PPL: variants seen among roughly 807,000 people sequenced by gnomAD.
PPL encodes periplakin.
A neutral mutation model predicts 194.4 loss-of-function variants in PPL; 198 were observed. The ratio of observed to expected loss-of-function variants is 1.02; its 90% CI spans 0.91 to 1.15. The LOEUF is 1.15. Ranked by LOEUF, PPL falls within the 50% of genes most tolerant of loss-of-function variation. The probability of loss-of-function intolerance (pLI) is 0.00; values close to 1 mark genes in which losing one functional copy is unlikely to be tolerated. For missense variants in PPL, 2,885 were observed against 2,294.8 expected, an observed-to-expected ratio of 1.26 and a Z score of -5.25; for synonymous variants, 1,220 against 972.4, an observed-to-expected ratio of 1.25 and a Z score of -4.74.
In PPL at chr16:4,890,302, T is replaced by C; in HGVS notation, c.2195A>G (p.Tyr732Cys). 6.2e-7 allele frequency: 1 copy of C among 1,614,030 alleles called. No homozygotes were observed. Among genetic ancestry groups the C allele is most frequent in the Non-Finnish European group, 8.5e-7 (1 of 1,180,000 alleles). Residue 732 changes from tyrosine (Y) to cysteine (C), a missense_variant, in exon 18 of 22, where the codon TAC becomes TGC. By Grantham distance (194) the Tyr-to-Cys change is radical. Coordinates refer to ENST00000345988, the MANE Select transcript of PPL (RefSeq NM_002705.5). Reference sequence around the variant, plus strand: ...GTCATGGCCGCGGTGGAAGTGCTCGTAGGCTGCCTTGGCGCTCTGTAGGCT... The same window carrying C: ...GTCATGGCCGCGGTGGAAGTGCTCGCAGGCTGCCTTGGCGCTCTGTAGGCT... ...AQSLQSAKAA[Y>C]EHFHRGHDHV... is the part of the protein sequence containing the mutation.
intron 1 of PPL, among the ~76,000 whole-genome samples, chr16:4,927,581 G>C (rs960424444): frequency 2.0e-5 from 3 of 152,258 alleles, no homozygotes; most frequent in African/African-American, 7.2e-5. Flanking sequence ...GCAGTACACA[G>C]AATGTGCCCA....
intron 4 of PPL, among the ~76,000 whole-genome samples, chr16:4,901,564 CTG>C (rs920520368): frequency 2.6e-5 from 4 of 152,028 alleles, no homozygotes; most frequent in Non-Finnish European, 5.9e-5. Context: ...TGGCATGCAC[CTG>C]TAATCCCAGC....
At position 4,892,075 on chromosome 16, in the gene PPL, A is replaced by G. The variant is rs1259732657; in HGVS notation, c.1789T>C (p.Tyr597His). Reference sequence around the variant, plus strand: ...TCCAGCAGCTGCAGGAGGTGCTCGTATTTCCGGTTGGTGTCCTCCACCCGG... The same window carrying G: ...TCCAGCAGCTGCAGGAGGTGCTCGTGTTTCCGGTTGGTGTCCTCCACCCGG... ...RTRVEDTNRK[Y>H]EHLLQLLDLA... Residue 597 changes from tyrosine to histidine, a missense_variant, in exon 15 of 22, where the codon TAC becomes CAC. Physicochemically the swap from Tyr to His is moderately conservative, Grantham distance 83. Coordinates refer to ENST00000345988, the MANE Select transcript of PPL (RefSeq NM_002705.5). 6.2e-7 allele frequency: 1 copy of G among 1,613,584 alleles called. No homozygotes were observed. Among genetic ancestry groups the G allele is most frequent in the Non-Finnish European group, 8.5e-7 (1 of 1,179,992 alleles).
chr16:4,886,006 A>C lies in PPL; in HGVS notation c.2649T>G (p.Asn883Lys), dbSNP rs149014509. The C allele has an allele frequency of 6.7e-5, 108 of 1,613,938 alleles. No homozygotes were observed. The African/African-American group carries it at 1.3e-3, about 20-fold the overall frequency. The change falls in exon 22 of 22, where the codon AAT (asparagine) becomes AAG (lysine). Residue 883 changes from asparagine to lysine, a missense_variant. Transcript: ENST00000345988. The stretch of plus-strand genomic sequence containing the variant: ...CCTCCTCCACTCCAGAGTCCGGCCT[A>C]TTCCTTTGCAGGGTCTCATGGGTCA... Reference protein sequence around the residue: ...VEVTHETLQRNRPDSGVEEAW... With the variant: ...VEVTHETLQRKRPDSGVEEAW...
At chr16:4,893,126 T>G (rs772934912) in intron 14 of PPL, 87 bp downstream of exon 14, 49 of 1,398,970 alleles carry the variant, frequency 3.5e-5, no homozygotes, top group Non-Finnish European at 7.5e-6. Flanking sequence ...ATCCCAAGAC[T>G]CCATGGGGAA....
intron 1 of PPL, among the ~76,000 whole-genome samples, chr16:4,914,104 T>C (rs1021292692): frequency 1.3e-5 from 2 of 152,080 alleles, no homozygotes; most frequent in Admixed American, 6.6e-5. Context: ...GAATTTGGTG[T>C]TCCTGTGCAG....
chr16:4,899,293 G>A lies in PPL; in HGVS notation c.698C>T (p.Ala233Val), dbSNP rs763112955. The change falls in exon 7 of 22, where the codon GCC (alanine) becomes GTC (valine). Residue 233 changes from alanine (A) to valine (V), a missense_variant. Transcript: ENST00000345988. The part of the protein sequence containing the change: ...TNELYWLDQQ[A>V]KGRMQYDWSD... ...CCAGTCGTACTGCATGCGGCCCTTG[G>A]CCTGCTGGTCCAGCCAGTACAGCTC... The A allele has an allele frequency of 1.2e-5, 20 of 1,613,606 alleles. No homozygotes were observed. In the South Asian group the frequency reaches 2.0e-4, roughly 16 times the overall value.
chr16:4,921,197 T>C (rs2089042973), intron 1 of PPL, among the ~76,000 whole-genome samples: 1 of 152,224 alleles, frequency 6.6e-6, no homozygotes, highest in Non-Finnish European at 1.5e-5. Context: ...AGGCTCTTGA[T>C]GCAAGCAAGG....
chr16:4,895,953 G>C (rs1036257204), intron 9 of PPL, among the ~76,000 whole-genome samples: 3 of 152,230 alleles, frequency 2.0e-5, no homozygotes, highest in Non-Finnish European at 4.4e-5. Context: ...CCATCCATGA[G>C]ATGCCACCTC....
intron 1 of PPL, among the ~76,000 whole-genome samples, chr16:4,914,413 G>A (rs1267677068): frequency 2.0e-5 from 3 of 152,214 alleles, no homozygotes; most frequent in Non-Finnish European, 2.9e-5. Context: ...CAATGCAGGT[G>A]CTGTTGATGT....
intron 8 of PPL, among the ~76,000 whole-genome samples, chr16:4,898,073 T>C (rs1370541289): frequency 6.6e-6 from 1 of 152,150 alleles, no homozygotes; most frequent in Non-Finnish European, 1.5e-5. Flanking sequence ...GACCGAACAG[T>C]GTCCCACCAA....
Position 4,899,300 on chromosome 16 carries a change from G to C in PPL, c.691C>G (p.Gln231Glu), listed in dbSNP as rs1328000391. The change falls in exon 7 of 22, where the codon CAG becomes GAG. Residue 231 changes from glutamine (Q) to glutamate (E), a missense_variant. Gln to Glu is a conservative substitution (Grantham distance 29, BLOSUM62 2). Coordinates refer to ENST00000345988, the MANE Select transcript of PPL (RefSeq NM_002705.5). ...TACTGCATGCGGCCCTTGGCCTGCT[G>C]GTCCAGCCAGTACAGCTCATTGGTG... is the stretch of plus-strand genomic sequence containing the variant. ...RCTNELYWLD[Q>E]QAKGRMQYDW... The C allele has an allele frequency of 6.2e-7, 1 of 1,613,732 alleles. No homozygotes were observed. The highest frequency in any genetic ancestry group is 1.7e-5 in the Admixed American group (1 of 60,030).
In PPL at chr16:4,892,215, T is replaced by C; in HGVS notation, c.1651-2A>G. ...CCGCAGTAGCTCGTTGGTGATGTTC[T>C]GTGGGAACCAGGGCCCCTCAGTTTT... On this transcript the variant is annotated splice_acceptor_variant, in intron 14 of 21. Transcript: ENST00000345988. LOFTEE classifies it high-confidence loss of function. 1 of 1,607,724 alleles carries C rather than the reference T, an allele frequency of 6.2e-7. No individual in the cohort carries two copies. Among genetic ancestry groups the C allele is most frequent in the African/African-American group, 1.3e-5 (1 of 74,946 alleles).
At chr16:4,894,360 C>T in intron 12 of PPL, 107 bp downstream of exon 12, 3 of 1,421,914 alleles carry the variant, frequency 2.1e-6, no homozygotes, top group Non-Finnish European at 2.8e-6. Flanking sequence ...TGTCAGCGAC[C>T]CCGCGCTCCC....
intron 12 of PPL, 31 bp from the exon 13 acceptor site, chr16:4,893,669 G>A: frequency 6.5e-7 from 1 of 1,537,664 alleles, no homozygotes. Context: ...TGGGAACCTG[G>A]GCAGCCCACC....
rs372008618 is a variant in PPL, at chr16:4,890,926, C to T, written c.1969-5G>A. 2.5e-5 allele frequency: 38 copies of T among 1,513,242 alleles called. No individual in the cohort carries two copies. The East Asian group carries it at 3.2e-4, about 13-fold the overall frequency. The allele number at this position is 1,513,242 out of a possible 1,614,324, so 93.7% of individuals were successfully genotyped here. ...CTGTAACTCACAGGCCATGGCCTGG[C>T]GGGGCAGAGGAGGAGACGGCGGTGC... On this transcript the variant is annotated splice_polypyrimidine_tract_variant and splice_region_variant and intron_variant, in intron 16 of 21. Coordinates refer to ENST00000345988, the MANE Select transcript of PPL (RefSeq NM_002705.5).
In PPL at chr16:4,882,694, T is replaced by A. The variant is rs1031308775; in HGVS notation, c.*690A>T. On this transcript the variant is annotated 3_prime_UTR_variant, in exon 22 of 22. Coordinates refer to ENST00000345988, the MANE Select transcript of PPL (RefSeq NM_002705.5). ...AGCGAGACTTGTAAAGCACTGAAAC[T>A]AAGGCTAACAGCAGCACAATCCACT... 6.6e-6 allele frequency: 1 copy of A among 152,282 alleles called. No homozygotes were observed. Among genetic ancestry groups the A allele is most frequent in the Non-Finnish European group, 1.5e-5 (1 of 68,094 alleles). 9.4% of individuals were successfully genotyped at this position (152,282 alleles called of 1,614,324 possible).
At chr16:4,929,012 TTAAAAAAAAAAAAAAAAAA>T (rs2089194494) in intron 1 of PPL, among the ~76,000 whole-genome samples, 1 of 81,032 alleles carries the variant, frequency 1.2e-5, no homozygotes. Context: ...AAACTCTACC[TTAAAAAAAAAAAAAAAAAA>T]AAAAAAAAAA....
rs1051135432 is a variant in PPL at position 4,893,808 on chromosome 16, C to G, written c.1395-170G>C. The stretch of plus-strand genomic sequence containing the variant: ...ACTGGCCTTTCTGTGCTCCTGGGCT[C>G]AGAGCTCTTCTCCCTCCTTCCCTCC... On this transcript the variant is annotated intron_variant, in intron 12 of 21. Coordinates refer to ENST00000345988, the MANE Select transcript of PPL (RefSeq NM_002705.5). 24 of 595,956 alleles carry G rather than the reference C, an allele frequency of 4.0e-5. No homozygotes were observed. In the African/African-American group the frequency reaches 4.5e-4, roughly 11 times the overall value. The allele number at this position is 595,956 out of a possible 1,614,324, so 36.9% of individuals were successfully genotyped here. A position where few individuals can be genotyped will look rare whatever the true frequency, so the allele number is the denominator to read the frequency against.
Sources: allele counts gnomAD v4.1 joint callset (sites outside exome capture counted in the v4.1 genomes callset), GRCh38; gene constraint gnomAD v4.1.1; transcripts MANE v1.5; gene names NCBI Gene and HGNC (gene_info 2026-07-23, HGNC 2026-07-21).